Variants in IFFO2 observed in about 807,000 individuals in gnomAD.
The protein encoded by IFFO2 is intermediate filament family orphan 2.
In IFFO2, 19 loss-of-function variants were observed where a neutral mutation model predicts 53.5. The ratio of observed to expected loss-of-function variants is 0.36; its 90% CI spans 0.25 to 0.52. The LOEUF is 0.52. Ranked by LOEUF, IFFO2 falls within the 20% of genes least tolerant of loss-of-function variation. The pLI, the probability that IFFO2 is intolerant of heterozygous loss-of-function variation, is 0.94. For missense variants in IFFO2, 570 were observed against 727.4 expected (o/e 0.78, Z 2.49); for synonymous variants, 303 against 313.6 (o/e 0.97, Z 0.36).
chr1:18,953,555 C>T (rs543975431), intron 1 of IFFO2, among the ~76,000 whole-genome samples: 3 of 152,180 alleles, frequency 2.0e-5, no homozygotes, highest in Non-Finnish European at 4.4e-5. Flanking sequence ...TTTCAAGGAC[C>T]GCAATTCTAG....
intron 1 of IFFO2, among the ~76,000 whole-genome samples, chr1:18,926,255 C>T (rs188220948): frequency 6.6e-6 from 1 of 152,330 alleles, no homozygotes; most frequent in Non-Finnish European, 1.5e-5. Flanking sequence ...CCCAGGGGCT[C>T]ACAGGAGGCA....
At chr1:18,921,419 C>A (rs1936214552) in intron 1 of IFFO2, among the ~76,000 whole-genome samples, 3 of 152,208 alleles carry the variant, frequency 2.0e-5, no homozygotes, top group Non-Finnish European at 4.4e-5. Flanking sequence ...TGCCTGCATG[C>A]AAACTGTAAA....
At chr1:18,920,986 G>C in intron 2 of IFFO2, 75 bp downstream of exon 2, 6 of 1,325,898 alleles carry the variant, frequency 4.5e-6, no homozygotes, top group Non-Finnish European at 5.3e-6. Context: ...TGGCTTTGCC[G>C]CATGAAGACT....
At chr1:18,939,541 A>G (rs547940650) in intron 1 of IFFO2, among the ~76,000 whole-genome samples, 14 of 152,286 alleles carry the variant, frequency 9.2e-5, no homozygotes, top group Admixed American at 3.3e-4. Context: ...ACTCCTAGAA[A>G]AGGAATGTGC....
At chr1:18,940,804 T>C (rs952024446) in intron 1 of IFFO2, among the ~76,000 whole-genome samples, 1 of 152,062 alleles carries the variant, frequency 6.6e-6, no homozygotes, top group Non-Finnish European at 1.5e-5. Context: ...CACGTGCAAA[T>C]ACCTAAACAT....
intron 1 of IFFO2, among the ~76,000 whole-genome samples, chr1:18,940,601 A>ATGGATGGG (rs1216423067): frequency 1.3e-5 from 2 of 151,942 alleles, no homozygotes; most frequent in African/African-American, 2.4e-5. Flanking sequence ...GGATGGATGG[A>ATGGATGGG]TGGATGGACA....
At chr1:18,927,976 TG>T (rs1936325946) in intron 1 of IFFO2, among the ~76,000 whole-genome samples, 1 of 151,916 alleles carries the variant, frequency 6.6e-6, no homozygotes, top group African/African-American at 2.4e-5. Flanking sequence ...GGAGTGGGAG[TG>T]GGGCAGGGCT....
Position 18,956,161 on chromosome 1 carries a change from T to G in IFFO2, c.172A>C (p.Lys58Gln). 6.7e-7 allele frequency: 1 copy of G among 1,482,918 alleles called. No individual in the cohort carries two copies. Among genetic ancestry groups the G allele is most frequent in the Non-Finnish European group, 9.0e-7 (1 of 1,106,618 alleles). 91.9% of individuals were successfully genotyped at this position (1,482,918 alleles called of 1,614,324 possible). Residue 58 changes from lysine to glutamine, a missense_variant, in exon 1 of 9, where the codon AAG becomes CAG. Coordinates refer to ENST00000455833, the MANE Select transcript of IFFO2 (RefSeq NM_001136265.2). The surrounding 1 kb of genome is among the most constrained non-coding windows in gnomAD (Gnocchi z 6.4). ...CAGCGGAAGCGCACGTTGAGCCCCT[T>G]CAAGAGGTGGATGTTGGAGCCCAGG... is the stretch of plus-strand genomic sequence containing the variant. ...DDLGSNIHLLKGLNVRFRCFL... is the reference protein window; with the variant it reads ...DDLGSNIHLLQGLNVRFRCFL...
At position 18,917,852 on chromosome 1, in the gene IFFO2, G is replaced by A. The variant is rs540615809; in HGVS notation, c.963+510C>T. 4.6e-4 allele frequency among the ~76,000 whole-genome samples: 70 copies of A among 152,272 alleles called. No individual in the cohort carries two copies. The highest frequency in any genetic ancestry group is 1.6e-3 in the African/African-American group (65 of 41,550). ...TTGCACGTTAGGTCGGGGGGGTATC[G>A]AGAGCCTCTTTGGGGTGGAATGAAA... On this transcript the variant is annotated intron_variant, in intron 4 of 8. Transcript: ENST00000455833. The surrounding 1 kb of genome is among the most constrained non-coding windows in gnomAD (Gnocchi z 5.9).
rs973081617 is a variant in IFFO2 at position 18,955,787 on chromosome 1, G to C, written c.546C>G (p.Gly182=). The C allele has an allele frequency of 6.5e-7, 1 of 1,547,666 alleles. No individual in the cohort carries two copies. Among genetic ancestry groups the C allele is most frequent in the African/African-American group, 1.4e-5 (1 of 72,520 alleles). Residue 182 remains glycine (G), a synonymous_variant, in exon 1 of 9, where the codon GGC becomes GGG. Coordinates refer to ENST00000455833, the MANE Select transcript of IFFO2 (RefSeq NM_001136265.2). ...GGGVETVQGP[G]VSWVHPDGVG... ...CGCCGTCGGGGTGCACCCACGACAC[G>C]CCGGGGCCCTGCACGGTCTCCACGC...
At chr1:18,922,462 A>G (rs1312581059) in intron 1 of IFFO2, among the ~76,000 whole-genome samples, 2 of 152,106 alleles carry the variant, frequency 1.3e-5, no homozygotes, top group Non-Finnish European at 2.9e-5. Context: ...CGGTTACGTC[A>G]CCGGCTTTTG....
intron 1 of IFFO2, among the ~76,000 whole-genome samples, chr1:18,951,422 G>C (rs1936658320): frequency 6.6e-6 from 1 of 152,148 alleles, no homozygotes; most frequent in Admixed American, 6.5e-5. Context: ...ACTTCAACTG[G>C]GGGGCGCATA....
intron 1 of IFFO2, among the ~76,000 whole-genome samples, chr1:18,938,599 T>C: frequency 6.6e-6 from 1 of 152,194 alleles, no homozygotes; most frequent in East Asian, 1.9e-4. Context: ...GAAGCCCAGC[T>C]CTGCCTGTGC....
chr1:18,956,250 C>T lies in IFFO2; in HGVS notation c.83G>A (p.Gly28Glu). 1.8e-6 allele frequency: 2 copies of T among 1,092,596 alleles called. No homozygotes were observed. Among genetic ancestry groups the T allele is most frequent in the Non-Finnish European group, 2.3e-6 (2 of 876,528 alleles). The allele number at this position is 1,092,596 out of a possible 1,614,324, so 67.7% of individuals were successfully genotyped here. A position where few individuals can be genotyped will look rare whatever the true frequency, so the allele number is the denominator to read the frequency against. ...PGGGGGGCPG[G>E]GGGGGGAGPG... is the part of the protein sequence containing the mutation. ...CCCTGCCCCGCCGCCGCCGCCGCCC[C>T]CGCCAGGGCAGCCCCCGCCGCCGCC... Residue 28 changes from glycine (G) to glutamate (E), a missense_variant, in exon 1 of 9, where the codon GGG becomes GAG. By Grantham distance (98) the Gly-to-Glu change is moderately conservative (BLOSUM62 -2). Transcript: ENST00000455833. This position sits in a 1 kb window ranked among gnomAD's most constrained non-coding sequence, Gnocchi z 6.4.
rs966651554 is a variant in IFFO2 at position 18,918,169 on chromosome 1, G to A, written c.963+193C>T. Among the ~76,000 whole-genome samples, 4 of 152,172 alleles carry A rather than the reference G, an allele frequency of 2.6e-5. No individual in the cohort carries two copies. Among genetic ancestry groups the A allele is most frequent in the Admixed American group, 6.5e-5 (1 of 15,288 alleles). ...CAGCCATAGGATGAAGCAGTCAGAC[G>A]AGCCTATGAGTCCACGGGTGCCTGA... On this transcript the variant is annotated intron_variant, in intron 4 of 8. Transcript: ENST00000455833. This position sits in a 1 kb window ranked among gnomAD's most constrained non-coding sequence, Gnocchi z 5.2.
At chr1:18,948,154 A>G (rs574062989) in intron 1 of IFFO2, among the ~76,000 whole-genome samples, 1 of 152,362 alleles carries the variant, frequency 6.6e-6, no homozygotes, top group African/African-American at 2.4e-5. Context: ...CAATAAACGG[A>G]AGCATTAAGC....
chr1:18,919,246 C>T lies in IFFO2; in HGVS notation c.822+432G>A, dbSNP rs968284586. On this transcript the variant is annotated intron_variant, in intron 3 of 8. Coordinates refer to ENST00000455833, the MANE Select transcript of IFFO2 (RefSeq NM_001136265.2). This position sits in a 1 kb window ranked among gnomAD's most constrained non-coding sequence, Gnocchi z 4.9. Reference sequence around the variant, plus strand: ...CACGCGCACTGGCCTTTCCTGACCTCATGGAGCAACCCTGCCAAAGGCCGC... The same window carrying T: ...CACGCGCACTGGCCTTTCCTGACCTTATGGAGCAACCCTGCCAAAGGCCGC... 2.6e-5 allele frequency among the ~76,000 whole-genome samples: 4 copies of T among 152,198 alleles called. No individual in the cohort carries two copies. Among genetic ancestry groups the T allele is most frequent in the African/African-American group, 9.6e-5 (4 of 41,456 alleles).
intron 1 of IFFO2, among the ~76,000 whole-genome samples, chr1:18,924,192 A>T (rs1005973368): frequency 5.9e-5 from 9 of 152,164 alleles, no homozygotes; most frequent in African/African-American, 1.9e-4. Flanking sequence ...CTGTCCTTGG[A>T]TCGTTCTGAG....
chr1:18,920,008 T>G (rs1314466977), intron 2 of IFFO2, among the ~76,000 whole-genome samples: 2 of 152,226 alleles, frequency 1.3e-5, no homozygotes, highest in East Asian at 3.8e-4. Context: ...ATGGAAGGTA[T>G]TAAAAGAGCA....
Sources: gnomAD v4.1 joint callset for allele counts (sites outside exome capture counted in the v4.1 genomes callset) on GRCh38, gnomAD v4.1.1 for gene constraint, Gnocchi (gnomAD v3.1) non-coding constraint, MANE v1.5 for transcripts, NCBI Gene and HGNC (gene_info 2026-07-23, HGNC 2026-07-21) for gene names.